The following AK8 variants were observed in gnomAD, a reference collection of about 807,000 sequenced individuals.
AK8 encodes adenylate kinase 8, also known as ATP-AMP transphosphorylase 8.
A neutral mutation model predicts 54.6 loss-of-function variants in AK8; 44 were observed. The ratio of observed to expected loss-of-function variants is 0.81; its 90% CI spans 0.63 to 1.04. The LOEUF (loss-of-function observed/expected upper bound fraction) is 1.04, where lower values mean the gene tolerates loss of function less well. AK8 is among the 50% of genes least tolerant of loss of function. The probability of loss-of-function intolerance (pLI) is 0.00; values close to 1 mark genes in which losing one functional copy is unlikely to be tolerated. For synonymous variants in AK8, 239 were observed against 245.6 expected (o/e 0.97, Z 0.25); for missense variants, 555 against 613.6 (o/e 0.90, Z 1.01).
At chr9:132,787,680 T>C (rs1019420622) in intron 11 of AK8, among the ~76,000 whole-genome samples, 4 of 151,984 alleles carry the variant, frequency 2.6e-5, no homozygotes, top group Non-Finnish European at 5.9e-5. Context: ...ATATCGAATA[T>C]GGGAGAGGGG....
chr9:132,745,997 C>G lies in AK8; in HGVS notation c.1122-18463G>C, dbSNP rs576095749. Among the ~76,000 whole-genome samples, 50 of 152,194 alleles carry G rather than the reference C, an allele frequency of 3.3e-4. No homozygotes were observed. In the South Asian group the frequency reaches 1.0e-2, roughly 30 times the overall value. ...AGGATGCTTCCAGAATTCTGTGAGCCGAAGGACAGAGGAGACAAAGGTGGC... is the reference window on the plus strand; with the variant it reads ...AGGATGCTTCCAGAATTCTGTGAGCGGAAGGACAGAGGAGACAAAGGTGGC... On this transcript the variant is annotated intron_variant, in intron 11 of 12. Coordinates refer to ENST00000298545, the MANE Select transcript of AK8 (RefSeq NM_152572.3).
chr9:132,854,880 C>T lies in AK8; in HGVS notation c.379G>A (p.Ala127Thr). Reference protein sequence around the residue: ...LLVQLIQERLAEEDCIKQGWI... With the variant: ...LLVQLIQERLTEEDCIKQGWI... ...ACCTGCTTGATGCAATCCTCTTCAG[C>T]CAGGCGTTCCTGAATCAGCTGGACG... The change falls in exon 5 of 13, where the codon GCT (alanine) becomes ACT (threonine). Residue 127 changes from alanine to threonine, a missense_variant. Ala to Thr is a moderately conservative substitution (Grantham distance 58). Transcript: ENST00000298545. 6.2e-7 allele frequency: 1 copy of T among 1,614,104 alleles called. No homozygotes were observed. Among genetic ancestry groups the T allele is most frequent in the Non-Finnish European group, 8.5e-7 (1 of 1,180,014 alleles).
chr9:132,862,321 TTCTC>T (rs959857354), intron 4 of AK8, among the ~76,000 whole-genome samples: 2 of 151,388 alleles, frequency 1.3e-5, no homozygotes, highest in East Asian at 1.9e-4. Context: ...TCACACCCCT[TTCTC>T]TCTCTTTTTT....
intron 9 of AK8, among the ~76,000 whole-genome samples, chr9:132,820,021 G>A (rs1841509550): frequency 2.6e-5 from 4 of 151,816 alleles, no homozygotes; most frequent in Admixed American, 2.6e-4. Flanking sequence ...TGAGCATGGT[G>A]GCATACACCT....
At chr9:132,841,156 T>C (rs1039214615) in intron 5 of AK8, among the ~76,000 whole-genome samples, 17 of 152,182 alleles carry the variant, frequency 1.1e-4, no homozygotes, top group African/African-American at 4.1e-4. Context: ...GCCTGTGAAT[T>C]ACAGGGCGCT....
chr9:132,855,565 A>G (rs2131387524), intron 4 of AK8, among the ~76,000 whole-genome samples: 1 of 152,298 alleles, frequency 6.6e-6, no homozygotes, highest in East Asian at 1.9e-4. Flanking sequence ...TAAAGGCTAC[A>G]ATAAGGACTC....
intron 2 of AK8, among the ~76,000 whole-genome samples, chr9:132,873,790 G>T (rs1843963412): frequency 6.6e-6 from 1 of 152,136 alleles, no homozygotes; most frequent in African/African-American, 2.4e-5. Context: ...AGTGAGGCCT[G>T]GGGGCGAGCC....
intron 10 of AK8, among the ~76,000 whole-genome samples, chr9:132,801,623 C>T (rs1401375594): frequency 6.6e-6 from 1 of 152,080 alleles, no homozygotes; most frequent in Non-Finnish European, 1.5e-5. Context: ...CCATAGCCCA[C>T]GAAATCTGGG....
At chr9:132,775,190 C>T (rs1249727997) in intron 11 of AK8, among the ~76,000 whole-genome samples, 1 of 152,208 alleles carries the variant, frequency 6.6e-6, no homozygotes, top group Non-Finnish European at 1.5e-5. Flanking sequence ...ACCAGCAATG[C>T]AGGCTGGACT....
intron 4 of AK8, among the ~76,000 whole-genome samples, chr9:132,857,891 C>T (rs1454443082): frequency 1.3e-5 from 2 of 152,240 alleles, no homozygotes; most frequent in East Asian, 1.9e-4. Flanking sequence ...TGATGTGTCA[C>T]GTCAGCAGCA....
chr9:132,797,803 C>A (rs1412551635), intron 10 of AK8, among the ~76,000 whole-genome samples: 1 of 152,154 alleles, frequency 6.6e-6, no homozygotes, highest in African/African-American at 2.4e-5. Context: ...ACACAATCTC[C>A]CCCGAAGGCC....
intron 11 of AK8, among the ~76,000 whole-genome samples, chr9:132,749,618 G>A (rs1837811689): frequency 6.6e-6 from 1 of 151,864 alleles, no homozygotes; most frequent in Admixed American, 6.6e-5. Flanking sequence ...ACAGCTGCTG[G>A]ACTCTAACAT....
intron 9 of AK8, among the ~76,000 whole-genome samples, chr9:132,819,313 G>A (rs1181664254): frequency 6.6e-6 from 1 of 152,194 alleles, no homozygotes; most frequent in Non-Finnish European, 1.5e-5. Context: ...AAAGTGTATA[G>A]GAGAATGTAT....
At chr9:132,776,772 ACGATTCACAGGGCTCT>A (rs1839240149) in intron 11 of AK8, among the ~76,000 whole-genome samples, 1 of 152,170 alleles carries the variant, frequency 6.6e-6, no homozygotes, top group Non-Finnish European at 1.5e-5. Flanking sequence ...ACAGGAGAAG[ACGATTCACAGGGCTCT>A]CTTCCCCCAG....
chr9:132,734,903 C>T (rs1486586431), intron 11 of AK8, among the ~76,000 whole-genome samples: 1 of 152,236 alleles, frequency 6.6e-6, no homozygotes, highest in Admixed American at 6.5e-5. Context: ...TGGTGGCATG[C>T]GCCTGTAGTC....
intron 9 of AK8, among the ~76,000 whole-genome samples, chr9:132,820,266 G>A (rs531355083): frequency 1.3e-5 from 2 of 150,086 alleles, no homozygotes; most frequent in Admixed American, 6.6e-5. Context: ...GAGATAAGCA[G>A]TTTGGTGTAT....
chr9:132,772,497 C>T (rs73659477), intron 11 of AK8, among the ~76,000 whole-genome samples: 3,142 of 152,310 alleles, frequency 0.021, 114 homozygotes, highest in African/African-American at 0.072. Context: ...TGTGAGGATG[C>T]AGTGAGAGGC....
intron 2 of AK8, among the ~76,000 whole-genome samples, chr9:132,867,174 C>T (rs1412041603): frequency 6.6e-6 from 1 of 151,924 alleles, no homozygotes; most frequent in Non-Finnish European, 1.5e-5. Flanking sequence ...CTTCTGCCTC[C>T]AAGGGGACAG....
rs1378146909 is a variant in AK8 at position 132,770,097 on chromosome 9, G to C, written c.1121+22537C>G. 6.6e-6 allele frequency: 1 copy of C among 152,202 alleles called. No homozygotes were observed. The highest frequency in any genetic ancestry group is 1.5e-5 in the Non-Finnish European group (1 of 68,050). The allele number at this position is 152,202 out of a possible 1,614,324, so 9.4% of individuals were successfully genotyped here. The stretch of plus-strand genomic sequence containing the variant: ...TCCGCCAGGTAAAAACAGCAGTCGC[G>C]ATCCATTGTCACAGCCCACTGTCCC... On this transcript the variant is annotated intron_variant, in intron 11 of 12. Coordinates refer to ENST00000298545, the MANE Select transcript of AK8 (RefSeq NM_152572.3). The surrounding 1 kb of genome is among the most constrained non-coding windows in gnomAD (Gnocchi z 4.3).
Sources: gnomAD v4.1 joint callset for allele counts (sites outside exome capture counted in the v4.1 genomes callset) on GRCh38, gnomAD v4.1.1 for gene constraint, Gnocchi (gnomAD v3.1) non-coding constraint, MANE v1.5 for transcripts, NCBI Gene and HGNC (gene_info 2026-07-23, HGNC 2026-07-21) for gene names.